The following GPC5 variants were observed in gnomAD, a reference collection of about 807,000 sequenced individuals.
GPC5 encodes glypican-5.
A neutral mutation model predicts 53.9 loss-of-function variants in GPC5; 47 were observed. The ratio of observed to expected loss-of-function variants is 0.87; its 90% confidence interval spans 0.69 to 1.11. The LOEUF (loss-of-function observed/expected upper bound fraction) is 1.11, where lower values mean the gene tolerates loss of function less well. Ranked by LOEUF, GPC5 falls within the 50% of genes most tolerant of loss-of-function variation. The probability of loss-of-function intolerance (pLI) is 0.00; values close to 1 mark genes in which losing one functional copy is unlikely to be tolerated. For synonymous variants in GPC5, 286 were observed against 263.3 expected (o/e 1.09, Z -0.84); for missense variants, 748 against 713.1 (o/e 1.05, Z -0.56).
intron 7 of GPC5, among the ~76,000 whole-genome samples, chr13:92,697,614 TA>T (rs1887597252): frequency 6.6e-6 from 1 of 152,336 alleles, no homozygotes; most frequent in African/African-American, 2.4e-5. Context: ...AAGGGTTTTC[TA>T]AATATACAAT....
intron 2 of GPC5, among the ~76,000 whole-genome samples, chr13:91,630,440 C>A (rs557965705): frequency 1.8e-4 from 28 of 152,220 alleles, no homozygotes; most frequent in African/African-American, 6.7e-4. Flanking sequence ...AGAAGCAGTT[C>A]AGAGATAGAC....
At chr13:91,408,445 T>C (rs749439121) in intron 1 of GPC5, among the ~76,000 whole-genome samples, 17 of 152,164 alleles carry the variant, frequency 1.1e-4, no homozygotes, top group Non-Finnish European at 1.9e-4. Context: ...TCTTTGTCCA[T>C]TCATCTGCTG....
chr13:91,480,126 T>C (rs1489265114), intron 2 of GPC5, among the ~76,000 whole-genome samples: 1 of 152,196 alleles, frequency 6.6e-6, no homozygotes, highest in Non-Finnish European at 1.5e-5. Flanking sequence ...TCATTGGAAA[T>C]TTTTGAATAC....
chr13:91,485,710 T>C (rs1007393309), intron 2 of GPC5: 1 of 152,170 alleles, frequency 6.6e-6, no homozygotes, highest in African/African-American at 2.4e-5. Flanking sequence ...TTATTCAGGC[T>C]GAAAAGAGGA....
intron 5 of GPC5, among the ~76,000 whole-genome samples, chr13:91,816,441 G>T (rs754259639): frequency 6.6e-6 from 1 of 152,132 alleles, no homozygotes; most frequent in Admixed American, 6.5e-5. Flanking sequence ...GATGCACTCA[G>T]TTGGGGTCCC....
chr13:91,551,571 AT>A (rs906144066), intron 2 of GPC5, among the ~76,000 whole-genome samples: 102 of 152,222 alleles, frequency 6.7e-4, no homozygotes, highest in African/African-American at 2.4e-3. Flanking sequence ...AAATATGTTA[AT>A]TTTGGGAATA....
chr13:92,551,174 T>C (rs1308707425), intron 7 of GPC5, among the ~76,000 whole-genome samples: 2 of 151,728 alleles, frequency 1.3e-5, no homozygotes, highest in Non-Finnish European at 3.0e-5. Flanking sequence ...AACCAAAAGA[T>C]TGCAGAATTG....
Position 91,529,390 on chromosome 13 carries a change from A to C in GPC5, c.325+80468A>C, listed in dbSNP as rs9589277. On this transcript the variant is annotated intron_variant, in intron 2 of 7. Coordinates refer to ENST00000377067, the MANE Select transcript of GPC5 (RefSeq NM_004466.6). ...GAGAAAATAAGGAAGAGAAAGTAAAATCATTAAAGATACAAGCTTTGGAAT... is the reference window on the plus strand; with the variant it reads ...GAGAAAATAAGGAAGAGAAAGTAAACTCATTAAAGATACAAGCTTTGGAAT... 8.1e-3 allele frequency among the ~76,000 whole-genome samples: 1,240 copies of C among 152,344 alleles called. 20 individuals carry two copies. Among genetic ancestry groups the C allele is most frequent in the African/African-American group, 0.029 (1,205 of 41,580 alleles).
chr13:91,998,452 G>A (rs1384801377), intron 6 of GPC5, among the ~76,000 whole-genome samples: 1 of 152,034 alleles, frequency 6.6e-6, no homozygotes, highest in Non-Finnish European at 1.5e-5. Context: ...TTAATTTTAA[G>A]AGAATCTGCA....
At chr13:91,885,341 A>T (rs182020266) in intron 5 of GPC5, among the ~76,000 whole-genome samples, 80 of 152,316 alleles carry the variant, frequency 5.3e-4, no homozygotes, top group African/African-American at 1.8e-3. Flanking sequence ...TAAGCCTAAC[A>T]TTTTAGTTTT....
intron 7 of GPC5, among the ~76,000 whole-genome samples, chr13:92,373,757 A>G (rs947395473): frequency 6.6e-6 from 1 of 152,208 alleles, no homozygotes; most frequent in African/African-American, 2.4e-5. Flanking sequence ...AAATTTCAAT[A>G]TAGATTAATC....
intron 7 of GPC5, among the ~76,000 whole-genome samples, chr13:92,617,289 T>C (rs766092964): frequency 6.6e-6 from 1 of 152,196 alleles, no homozygotes; most frequent in Non-Finnish European, 1.5e-5. Context: ...ATGCTCTGTG[T>C]AGAAGCTAGT....
chr13:92,187,212 T>C (rs1294247002), intron 7 of GPC5, among the ~76,000 whole-genome samples: 2 of 152,196 alleles, frequency 1.3e-5, no homozygotes, highest in African/African-American at 2.4e-5. Flanking sequence ...CCAAAATAAG[T>C]TAGTACATCC....
At chr13:91,491,492 A>T (rs372461251) in intron 2 of GPC5, among the ~76,000 whole-genome samples, 1 of 152,172 alleles carries the variant, frequency 6.6e-6, no homozygotes, top group Non-Finnish European at 1.5e-5. Context: ...CACTAACCAC[A>T]TTAACTTCAT....
At chr13:92,625,438 G>A (rs892341644) in intron 7 of GPC5, among the ~76,000 whole-genome samples, 5 of 152,116 alleles carry the variant, frequency 3.3e-5, no homozygotes, top group Non-Finnish European at 5.9e-5. Context: ...AATACTTTTA[G>A]GAAATAGCTA....
chr13:92,809,686 C>T (rs1877223744), intron 7 of GPC5, among the ~76,000 whole-genome samples: 1 of 152,146 alleles, frequency 6.6e-6, no homozygotes, highest in Non-Finnish European at 1.5e-5. Flanking sequence ...TTTTAAATTA[C>T]ATCAGTAACA....
At chr13:91,403,843 A>G (rs1202276031) in intron 1 of GPC5, among the ~76,000 whole-genome samples, 1 of 152,192 alleles carries the variant, frequency 6.6e-6, no homozygotes, top group African/African-American at 2.4e-5. Context: ...CAGGTGCTGA[A>G]CTATACTGAT....
At chr13:91,675,924 G>C (rs888218487) in intron 2 of GPC5, among the ~76,000 whole-genome samples, 2 of 152,054 alleles carry the variant, frequency 1.3e-5, no homozygotes, top group Non-Finnish European at 2.9e-5. Flanking sequence ...AGGGTGGTTC[G>C]ACTTTTAGAA....
chr13:92,640,540 G>A (rs1222017508), intron 7 of GPC5, among the ~76,000 whole-genome samples: 5 of 152,090 alleles, frequency 3.3e-5, no homozygotes, highest in Non-Finnish European at 7.4e-5. Flanking sequence ...GAGTACAGGC[G>A]TGAGCCACTA....
Sources: allele counts gnomAD v4.1 joint callset (sites outside exome capture counted in the v4.1 genomes callset), GRCh38; gene constraint gnomAD v4.1.1; transcripts MANE v1.5; gene names NCBI Gene and HGNC (gene_info 2026-07-23, HGNC 2026-07-21).